CERS3: variants seen among roughly 807,000 people sequenced by gnomAD.
The protein encoded by CERS3 is ceramide synthase 3.
Under a neutral mutation model 50.3 loss-of-function variants are expected in CERS3, and 33 were observed. The observed-to-expected ratio is 0.66, with a 90% CI of 0.50 to 0.88. The LOEUF is 0.88. Ranked by LOEUF, CERS3 falls within the 40% of genes least tolerant of loss-of-function variation. The probability of loss-of-function intolerance (pLI) is 0.00; values close to 1 mark genes in which losing one functional copy is unlikely to be tolerated. For missense variants in CERS3, 470 were observed against 460.3 expected (o/e 1.02, Z -0.19); for synonymous variants, 176 against 155.2 (o/e 1.13, Z -0.99).
chr15:100,498,019 G>A (rs1412132979), intron 3 of CERS3, among the ~76,000 whole-genome samples: 2 of 151,212 alleles, frequency 1.3e-5, no homozygotes, highest in African/African-American at 2.4e-5. Flanking sequence ...TCAGCCTCAC[G>A]AAGAGCTGGG....
chr15:100,455,691 A>C (rs532360228), intron 11 of CERS3, among the ~76,000 whole-genome samples: 13 of 152,222 alleles, frequency 8.5e-5, no homozygotes, highest in Non-Finnish European at 1.9e-4. Flanking sequence ...ATCTTCTAAT[A>C]AAAGCAATTT....
At chr15:100,448,708 G>A (rs901247288) in intron 11 of CERS3, among the ~76,000 whole-genome samples, 1 of 152,242 alleles carries the variant, frequency 6.6e-6, no homozygotes, top group African/African-American at 2.4e-5. Context: ...CCATGTGGGG[G>A]CACTGCTGTG....
chr15:100,471,449 G>T (rs1357538481), intron 9 of CERS3, among the ~76,000 whole-genome samples: 1 of 152,112 alleles, frequency 6.6e-6, no homozygotes, highest in Non-Finnish European at 1.5e-5. Flanking sequence ...TATTCCCAGG[G>T]TGAACATCTA....
intron 3 of CERS3, 37 bp from the exon 4 acceptor site, chr15:100,490,968 A>G (rs1463826071): frequency 8.1e-7 from 1 of 1,237,858 alleles, no homozygotes; most frequent in East Asian, 2.3e-5. Flanking sequence ...TTCAAAATCT[A>G]AGAATAAATC....
At chr15:100,437,124 T>A (rs528610422) in intron 11 of CERS3, among the ~76,000 whole-genome samples, 1 of 152,070 alleles carries the variant, frequency 6.6e-6, no homozygotes, top group East Asian at 1.9e-4. Context: ...TTTTTGTATT[T>A]TTAGTAGAGA....
At chr15:100,423,332 A>G (rs2032587407) in intron 11 of CERS3, among the ~76,000 whole-genome samples, 1 of 152,206 alleles carries the variant, frequency 6.6e-6, no homozygotes, top group Non-Finnish European at 1.5e-5. Flanking sequence ...TGTTCATCAT[A>G]GCACTATTCA....
chr15:100,473,040 G>A lies in CERS3; in HGVS notation c.622C>T (p.His208Tyr). 1 of 1,612,960 alleles carries A rather than the reference G, an allele frequency of 6.2e-7. No individual in the cohort carries two copies. Among genetic ancestry groups the A allele is most frequent in the Non-Finnish European group, 8.5e-7 (1 of 1,179,702 alleles). Residue 208 changes from histidine to tyrosine, a missense_variant, in exon 9 of 12, where the codon CAT becomes TAT. Physicochemically the swap from His to Tyr is moderately conservative, Grantham distance 83. Coordinates refer to ENST00000679737, the MANE Select transcript of CERS3 (RefSeq NM_001378789.1). Reference protein sequence around the residue: ...FDVKRKDFLAHIIHHLAAISL... With the variant: ...FDVKRKDFLAYIIHHLAAISL... ...ATAGCAGCCAGGTGGTGGATGATATGAGCTAGAAAATCCTGTAAGATGAGG... is the reference window on the plus strand; with the variant it reads ...ATAGCAGCCAGGTGGTGGATGATATAAGCTAGAAAATCCTGTAAGATGAGG...
chr15:100,535,634 T>C (rs528931289), intron 1 of CERS3, among the ~76,000 whole-genome samples: 2 of 150,148 alleles, frequency 1.3e-5, no homozygotes, highest in East Asian at 4.0e-4. Context: ...ATTAGAAGTA[T>C]CCATATGTGC....
chr15:100,478,616 A>G (rs994478793), intron 7 of CERS3, among the ~76,000 whole-genome samples: 2 of 150,970 alleles, frequency 1.3e-5, no homozygotes, highest in African/African-American at 2.5e-5. Flanking sequence ...TGACAGCTAC[A>G]TTCTTTTAGA....
chr15:100,543,672 G>T (rs1235369240), intron 1 of CERS3, among the ~76,000 whole-genome samples: 1 of 152,062 alleles, frequency 6.6e-6, no homozygotes, highest in Non-Finnish European at 1.5e-5. Context: ...TGGGATCACA[G>T]GTGCCCACCA....
At chr15:100,520,810 G>A (rs893249131) in intron 2 of CERS3, among the ~76,000 whole-genome samples, 1 of 152,166 alleles carries the variant, frequency 6.6e-6, no homozygotes, top group African/African-American at 2.4e-5. Flanking sequence ...CTCTGTGTCA[G>A]CAAGCACAGC....
intron 11 of CERS3, among the ~76,000 whole-genome samples, chr15:100,413,773 G>GAAA (rs56131548): frequency 8.7e-5 from 12 of 137,336 alleles, no homozygotes; most frequent in East Asian, 2.1e-4. Context: ...AGAAATACAA[G>GAAA]AAAAAAAAAA....
intron 10 of CERS3, among the ~76,000 whole-genome samples, chr15:100,466,785 C>T (rs1228562933): frequency 1.6e-4 from 4 of 25,234 alleles, no homozygotes; most frequent in Admixed American, 4.8e-4. Context: ...TCCTTCCTTC[C>T]TTCCTTCCTC....
chr15:100,506,856 A>T (rs1226329849), intron 2 of CERS3, among the ~76,000 whole-genome samples: 2 of 152,226 alleles, frequency 1.3e-5, no homozygotes, highest in East Asian at 3.9e-4. Flanking sequence ...TAACATTTGA[A>T]TGTGGTGTTG....
At chr15:100,410,749 G>T (rs1040775464) in intron 11 of CERS3, among the ~76,000 whole-genome samples, 1 of 152,192 alleles carries the variant, frequency 6.6e-6, no homozygotes, top group Non-Finnish European at 1.5e-5. Context: ...CAAGACAACA[G>T]CCCTGACTTC....
chr15:100,515,198 G>T (rs968873553), intron 2 of CERS3, among the ~76,000 whole-genome samples: 1 of 152,194 alleles, frequency 6.6e-6, no homozygotes, highest in African/African-American at 2.4e-5. Flanking sequence ...CTGATTTGAA[G>T]TAAGGCAAGT....
chr15:100,489,747 T>G (rs13379754), intron 4 of CERS3, among the ~76,000 whole-genome samples: 6,170 of 152,200 alleles, frequency 0.041, 417 homozygotes, highest in African/African-American at 0.14. Context: ...TTAAAGCACA[T>G]GGGAATAAAA....
intron 11 of CERS3, among the ~76,000 whole-genome samples, chr15:100,430,519 T>C (rs941691968): frequency 7.9e-5 from 12 of 152,214 alleles, no homozygotes; most frequent in African/African-American, 2.4e-4. Context: ...TGAAGTGCTG[T>C]AACTAAATGC....
At chr15:100,511,308 A>G (rs1312981404) in intron 2 of CERS3, among the ~76,000 whole-genome samples, 4 of 152,172 alleles carry the variant, frequency 2.6e-5, no homozygotes, top group Non-Finnish European at 2.9e-5. Flanking sequence ...AAAAAGAAAC[A>G]TTAAGAGAAT....
Sources: gnomAD v4.1 joint callset for allele counts (sites outside exome capture counted in the v4.1 genomes callset) on GRCh38, gnomAD v4.1.1 for gene constraint, MANE v1.5 for transcripts, NCBI Gene and HGNC (gene_info 2026-07-23, HGNC 2026-07-21) for gene names.